SUPT3H: variants seen among roughly 807,000 people sequenced by gnomAD.
The protein encoded by SUPT3H is transcription initiation protein SPT3 homolog.
Under a neutral mutation model 44.3 loss-of-function variants are expected in SUPT3H, and 44 were observed. That is an observed-to-expected ratio of 0.99 (90% CI 0.78 to 1.28). The LOEUF is 1.28. Among genes scored for constraint, SUPT3H ranks in the 50% most tolerant of loss-of-function variants. The probability of loss-of-function intolerance (pLI) is 0.00; values close to 1 mark genes in which losing one functional copy is unlikely to be tolerated. For synonymous variants in SUPT3H, 124 were observed against 125.6 expected, an observed-to-expected ratio of 0.99 and a Z score of 0.09; for missense variants, 380 against 387.1, an observed-to-expected ratio of 0.98 and a Z score of 0.15.
intron 2 of SUPT3H, among the ~76,000 whole-genome samples, chr6:45,137,122 C>G (rs1036321949): frequency 6.6e-6 from 1 of 152,006 alleles, no homozygotes; most frequent in South Asian, 2.1e-4. Flanking sequence ...AAAGAAATGT[C>G]AACTAAGAAT....
intron 2 of SUPT3H, among the ~76,000 whole-genome samples, chr6:45,294,114 A>C (rs887070034): frequency 6.6e-6 from 1 of 152,198 alleles, no homozygotes; most frequent in South Asian, 2.1e-4. Flanking sequence ...CAAATCCACA[A>C]TATATCAAAA....
chr6:45,063,097 C>T (rs543514703), intron 3 of SUPT3H, among the ~76,000 whole-genome samples: 1 of 146,044 alleles, frequency 6.8e-6, no homozygotes, highest in Non-Finnish European at 1.5e-5. Flanking sequence ...GTTCTCCCAG[C>T]ACGCAGCTGG....
chr6:44,870,245 C>A (rs1386892400), intron 10 of SUPT3H, among the ~76,000 whole-genome samples: 1 of 152,158 alleles, frequency 6.6e-6, no homozygotes, highest in East Asian at 1.9e-4. Context: ...GTATACAGAG[C>A]ACAGCAAGAG....
chr6:45,117,028 A>G (rs1328708441), intron 2 of SUPT3H, among the ~76,000 whole-genome samples: 5 of 152,090 alleles, frequency 3.3e-5, no homozygotes, highest in Non-Finnish European at 5.9e-5. Flanking sequence ...ACTTTCCAAA[A>G]CTACTACCAC....
intron 3 of SUPT3H, among the ~76,000 whole-genome samples, chr6:45,099,850 T>A (rs1312789279): frequency 6.6e-6 from 1 of 152,096 alleles, no homozygotes; most frequent in Non-Finnish European, 1.5e-5. Context: ...TCAGGATAAT[T>A]AAAAAAATTT....
intron 9 of SUPT3H, among the ~76,000 whole-genome samples, chr6:44,942,025 T>G (rs910681802): frequency 6.6e-6 from 1 of 152,180 alleles, no homozygotes; most frequent in Non-Finnish European, 1.5e-5. Flanking sequence ...CAGGAAAACT[T>G]TGTTGTAAAA....
chr6:45,176,947 C>G (rs538548346), intron 2 of SUPT3H, among the ~76,000 whole-genome samples: 2 of 152,204 alleles, frequency 1.3e-5, no homozygotes, highest in South Asian at 2.1e-4. Context: ...ACCAAAAGTA[C>G]ATAAAACCAC....
chr6:44,938,257 TAAGA>T (rs1176493452), intron 9 of SUPT3H, among the ~76,000 whole-genome samples: 1 of 152,128 alleles, frequency 6.6e-6, no homozygotes, highest in Admixed American at 6.6e-5. Flanking sequence ...TTGTATATGA[TAAGA>T]GATAGGGGAC....
chr6:44,995,316 A>C (rs1271007285), intron 6 of SUPT3H, among the ~76,000 whole-genome samples: 2 of 152,050 alleles, frequency 1.3e-5, no homozygotes, highest in Admixed American at 6.6e-5. Context: ...AATAAACTTT[A>C]TTACTTTCAG....
intron 10 of SUPT3H, chr6:44,899,065 T>C (rs1048415574): frequency 6.6e-6 from 1 of 152,248 alleles, no homozygotes; most frequent in African/African-American, 2.4e-5. Context: ...CCTTATTAAC[T>C]GCTGATGGGA....
intron 3 of SUPT3H, among the ~76,000 whole-genome samples, chr6:45,027,632 G>C (rs1351054462): frequency 6.6e-6 from 1 of 152,122 alleles, no homozygotes; most frequent in African/African-American, 2.4e-5. Context: ...CACTTAACTA[G>C]AACGGATTCA....
At chr6:45,037,492 CA>C (rs757168354) in intron 3 of SUPT3H, among the ~76,000 whole-genome samples, 88 of 129,082 alleles carry the variant, frequency 6.8e-4, no homozygotes, top group Non-Finnish European at 5.7e-4. Flanking sequence ...ACTAAAAATA[CA>C]AAAAAAAAAA....
intron 2 of SUPT3H, among the ~76,000 whole-genome samples, chr6:45,344,519 T>C (rs974835193): frequency 6.6e-6 from 1 of 152,106 alleles, no homozygotes; most frequent in Non-Finnish European, 1.5e-5. Flanking sequence ...ACATTTTCCT[T>C]TGAACGTCTA....
intron 3 of SUPT3H, among the ~76,000 whole-genome samples, chr6:45,038,674 AT>A (rs997662440): frequency 1.7e-4 from 26 of 152,070 alleles, no homozygotes; most frequent in Non-Finnish European, 2.8e-4. Flanking sequence ...TAATTCTGTA[AT>A]TTTTTTTAAT....
intron 2 of SUPT3H, among the ~76,000 whole-genome samples, chr6:45,138,439 G>A (rs1804657748): frequency 6.6e-6 from 1 of 152,002 alleles, no homozygotes; most frequent in Non-Finnish European, 1.5e-5. Context: ...AGGCAGAAAA[G>A]CAAACAATAC....
intron 2 of SUPT3H, among the ~76,000 whole-genome samples, chr6:45,270,752 T>G (rs891400796): frequency 2.0e-5 from 3 of 152,104 alleles, no homozygotes; most frequent in Admixed American, 6.5e-5. Flanking sequence ...TGGAACTGAG[T>G]AACAGGCAGA....
intron 3 of SUPT3H, among the ~76,000 whole-genome samples, chr6:45,079,794 C>T (rs1795539229): frequency 6.6e-6 from 1 of 152,146 alleles, no homozygotes. Flanking sequence ...GTACAGAAGT[C>T]AAGTCAAAAT....
At chr6:45,229,282 G>C (rs902054839) in intron 2 of SUPT3H, among the ~76,000 whole-genome samples, 1 of 151,836 alleles carries the variant, frequency 6.6e-6, no homozygotes, top group Non-Finnish European at 1.5e-5. Flanking sequence ...GGGACTCATT[G>C]TATCACAGCA....
chr6:44,959,922 C>T (rs1490870030), intron 7 of SUPT3H, among the ~76,000 whole-genome samples: 2 of 151,984 alleles, frequency 1.3e-5, no homozygotes, highest in African/African-American at 2.4e-5. Flanking sequence ...ATTTGCTGAC[C>T]CACGTGGATT....
Sources: allele counts gnomAD v4.1 joint callset (sites outside exome capture counted in the v4.1 genomes callset), GRCh38; gene constraint gnomAD v4.1.1; transcripts MANE v1.5; gene names NCBI Gene and HGNC (gene_info 2026-07-23, HGNC 2026-07-21).